The following CSMD1 variants were observed in gnomAD, a reference collection of about 807,000 sequenced individuals.
CSMD1 encodes CUB and sushi domain-containing protein 1.
CSMD1 carries 213 observed loss-of-function variants against 417.5 expected under a neutral mutation model. That is an observed-to-expected ratio of 0.51 (90% CI 0.46 to 0.57). CSMD1 has a LOEUF of 0.57. CSMD1 is among the 20% of genes least tolerant of loss of function. CSMD1 has a pLI of 0.00. For synonymous variants in CSMD1, 2,862 were observed against 1,736.8 expected, an observed-to-expected ratio of 1.65 and a Z score of -16.11; for missense variants, 6,923 against 4,529.7, an observed-to-expected ratio of 1.53 and a Z score of -15.17.
rs575849880 is a variant in CSMD1 at position 3,310,460 on chromosome 8, T to G, written c.3632-1957A>C. The stretch of plus-strand genomic sequence containing the variant: ...CAGAATGACTTGTTGGAGGTGATGA[T>G]TCTCCCTGGCCACACTTGGAGTCCA... On this transcript the variant is annotated intron_variant, in intron 23 of 69. Transcript: ENST00000635120. 1.2e-3 allele frequency among the ~76,000 whole-genome samples: 177 copies of G among 152,298 alleles called. 2 individuals carry two copies. The highest frequency in any genetic ancestry group is 4.0e-3 in the African/African-American group (168 of 41,560).
intron 6 of CSMD1, among the ~76,000 whole-genome samples, chr8:3,732,206 C>A (rs1371283116): frequency 1.3e-5 from 2 of 152,192 alleles, no homozygotes; most frequent in African/African-American, 2.4e-5. Flanking sequence ...TCCGAGAGGA[C>A]TCTATCAATT....
At chr8:3,046,039 T>C (rs76077523) in intron 50 of CSMD1, among the ~76,000 whole-genome samples, 39,106 of 152,126 alleles carry the variant, frequency 0.26, 5,680 homozygotes, top group East Asian at 0.33. Context: ...CTCTTTATCA[T>C]ACCTGACTTT....
intron 1 of CSMD1, among the ~76,000 whole-genome samples, chr8:4,749,385 G>T (rs540858198): frequency 1.3e-5 from 2 of 152,338 alleles, no homozygotes; most frequent in East Asian, 3.9e-4. Flanking sequence ...AGCGGTCCTT[G>T]ATAGTGTAAA....
At chr8:4,191,301 C>T (rs1255046541) in intron 3 of CSMD1, among the ~76,000 whole-genome samples, 1 of 152,136 alleles carries the variant, frequency 6.6e-6, no homozygotes, top group East Asian at 1.9e-4. Flanking sequence ...GAGGCTGAGG[C>T]AGGAGAATGG....
chr8:3,188,522 G>C (rs1585600085), intron 35 of CSMD1, among the ~76,000 whole-genome samples: 2 of 151,770 alleles, frequency 1.3e-5, no homozygotes, highest in East Asian at 1.9e-4. Context: ...GGCCAGGCTA[G>C]TCTTGAACTC....
At chr8:4,552,564 T>C (rs1343541035) in intron 2 of CSMD1, among the ~76,000 whole-genome samples, 1 of 152,044 alleles carries the variant, frequency 6.6e-6, no homozygotes, top group Non-Finnish European at 1.5e-5. Flanking sequence ...AGCACTAGTA[T>C]CTTGGGCATC....
intron 3 of CSMD1, among the ~76,000 whole-genome samples, chr8:4,305,788 T>C (rs1798210798): frequency 6.6e-6 from 1 of 152,058 alleles, no homozygotes; most frequent in South Asian, 2.1e-4. Flanking sequence ...TTCACAAAAG[T>C]GATTTGGGAT....
rs769947864 is a variant in CSMD1 at position 2,942,585 on chromosome 8, T to A, written c.10422A>T (p.Gln3474His). 6.3e-7 allele frequency: 1 copy of A among 1,594,750 alleles called. No individual in the cohort carries two copies. The highest frequency in any genetic ancestry group is 8.5e-7 in the Non-Finnish European group (1 of 1,169,610). ...LERQDPLNPD[Q>H]DSSSHYHGTS... Reference sequence around the variant, plus strand: ...TGCCGTGGTAATGACTGGAAGAGTCTTGATCTGGGTTTAAAGGATCTGTAA... The same window carrying A: ...TGCCGTGGTAATGACTGGAAGAGTCATGATCTGGGTTTAAAGGATCTGTAA... Residue 3474 changes from glutamine to histidine, a missense_variant, in exon 69 of 70, where the codon CAA becomes CAT. Physicochemically the swap from Gln to His is conservative, Grantham distance 24. Coordinates refer to ENST00000635120, the MANE Select transcript of CSMD1 (RefSeq NM_033225.6).
chr8:3,246,488 T>G (rs1799887937), intron 26 of CSMD1, among the ~76,000 whole-genome samples: 1 of 152,168 alleles, frequency 6.6e-6, no homozygotes, highest in African/African-American at 2.4e-5. Flanking sequence ...TGTATTTTTT[T>G]TGTGACAGAG....
At chr8:4,771,804 G>C (rs991740624) in intron 1 of CSMD1, among the ~76,000 whole-genome samples, 10 of 152,136 alleles carry the variant, frequency 6.6e-5, no homozygotes, top group South Asian at 2.1e-4. Context: ...TGTTCCCAAA[G>C]TTTGTTTTTA....
chr8:4,690,203 C>T (rs1806681012), intron 1 of CSMD1, among the ~76,000 whole-genome samples: 1 of 152,144 alleles, frequency 6.6e-6, no homozygotes, highest in Non-Finnish European at 1.5e-5. Context: ...AGTTTTTTCT[C>T]TTTGCATGAT....
intron 10 of CSMD1, among the ~76,000 whole-genome samples, chr8:3,549,726 C>G (rs1042422145): frequency 6.6e-6 from 1 of 152,118 alleles, no homozygotes; most frequent in East Asian, 1.9e-4. Flanking sequence ...CAGAAAGTTC[C>G]CACCAGCAAG....
At chr8:4,693,299 T>G (rs1006092475) in intron 1 of CSMD1, among the ~76,000 whole-genome samples, 1 of 152,196 alleles carries the variant, frequency 6.6e-6, no homozygotes. Context: ...GAAGAAGGAA[T>G]AGCAAAAACA....
In CSMD1 at chr8:4,203,552, G is replaced by C. The variant is rs530363834; in HGVS notation, c.416-171453C>G. Among the ~76,000 whole-genome samples, 88 of 152,222 alleles carry C rather than the reference G, an allele frequency of 5.8e-4. 1 individual carries two copies. In the South Asian group the frequency reaches 0.013, roughly 22 times the overall value. ...GTACCTTCTGTTATTAAACAGCTGG[G>C]TGTGAATTTGGAAGTCAGTGTAGCT... is the stretch of plus-strand genomic sequence containing the variant. On this transcript the variant is annotated intron_variant, in intron 3 of 69. Transcript: ENST00000635120.
intron 50 of CSMD1, among the ~76,000 whole-genome samples, chr8:3,047,955 G>C (rs1044941140): frequency 7.9e-5 from 12 of 152,194 alleles, no homozygotes; most frequent in Non-Finnish European, 1.2e-4. Context: ...ACCTCAACTT[G>C]ACGGTGATAG....
chr8:3,415,178 T>C (rs114635167), intron 12 of CSMD1, among the ~76,000 whole-genome samples: 2,451 of 152,330 alleles, frequency 0.016, 59 homozygotes, highest in African/African-American at 0.054. Context: ...CAGCATGTTA[T>C]TTTGAAATAT....
chr8:3,347,058 C>G (rs551549993), intron 22 of CSMD1, among the ~76,000 whole-genome samples: 2 of 152,300 alleles, frequency 1.3e-5, no homozygotes, highest in South Asian at 4.1e-4. Context: ...TGCACTAACA[C>G]TAAAGATAAC....
intron 5 of CSMD1, among the ~76,000 whole-genome samples, chr8:3,817,216 G>A (rs528735238): frequency 7.3e-6 from 1 of 137,372 alleles, no homozygotes; most frequent in African/African-American, 2.6e-5. Context: ...ACTCTGGAAA[G>A]GATCTCCAAA....
At chr8:4,468,549 T>G (rs1420390561) in intron 2 of CSMD1, among the ~76,000 whole-genome samples, 3 of 152,150 alleles carry the variant, frequency 2.0e-5, no homozygotes, top group Non-Finnish European at 4.4e-5. Context: ...CACACTCTTG[T>G]CCCCAGCTAA....
Sources: gnomAD v4.1 joint callset for allele counts (sites outside exome capture counted in the v4.1 genomes callset) on GRCh38, gnomAD v4.1.1 for gene constraint, MANE v1.5 for transcripts, NCBI Gene and HGNC (gene_info 2026-07-23, HGNC 2026-07-21) for gene names.